Variants in PTPN18 observed in about 807,000 individuals in gnomAD.
PTPN18 encodes the protein protein tyrosine phosphatase non-receptor type 18, also known as tyrosine-protein phosphatase non-receptor type 18.
Under a neutral mutation model 65.4 loss-of-function variants are expected in PTPN18, and 65 were observed. The ratio of observed to expected loss-of-function variants is 0.99; its 90% CI spans 0.81 to 1.22. The LOEUF (loss-of-function observed/expected upper bound fraction) is 1.22. Ranked by LOEUF, PTPN18 falls within the 50% of genes most tolerant of loss-of-function variation. PTPN18 has a pLI of 0.00. For synonymous variants in PTPN18, 255 were observed against 267.8 expected (o/e 0.95, Z 0.47); for missense variants, 616 against 646.5 (o/e 0.95, Z 0.51).
rs1214739114 is a variant in PTPN18, at chr2:130,370,770, C to T, written c.822C>T (p.Ala274=). 28 of 1,613,976 alleles carry T rather than the reference C, an allele frequency of 1.7e-5. No homozygotes were observed. The highest frequency in any genetic ancestry group is 4.5e-5 in the East Asian group (2 of 44,882). Reference sequence around the variant, plus strand: ...AGATGAGGAAGCAGCGGCCTGCGGCCGTGCAGACAGAGGTGAACCCTGGGT... The same window carrying T: ...AGATGAGGAAGCAGCGGCCTGCGGCTGTGCAGACAGAGGTGAACCCTGGGT... ...VLKMRKQRPA[A]VQTEEQYRFL... is the part of the protein sequence containing the mutation. Residue 274 remains alanine, a synonymous_variant, in exon 10 of 15, where the codon GCC becomes GCT. Transcript: ENST00000175756.
chr2:130,365,069 T>C (rs1393964911), intron 5 of PTPN18, among the ~76,000 whole-genome samples: 1 of 152,214 alleles, frequency 6.6e-6, no homozygotes, highest in African/African-American at 2.4e-5. Flanking sequence ...TAGAGTATAC[T>C]TACACAAACA....
chr2:130,371,819 AAAC>A (rs1269892553), intron 12 of PTPN18, among the ~76,000 whole-genome samples: 7 of 151,630 alleles, frequency 4.6e-5, no homozygotes, highest in African/African-American at 1.5e-4. Context: ...TGTCTCAAAA[AAAC>A]AACAAAAAAA....
rs1285506736 is a variant in PTPN18, at chr2:130,360,797, A to G, written c.414+1151A>G. 6.0e-5 allele frequency among the ~76,000 whole-genome samples: 9 copies of G among 150,540 alleles called. No individual in the cohort carries two copies. The East Asian group carries it at 1.7e-3, about 29-fold the overall frequency. Reference sequence around the variant, plus strand: ...CAAAGAACCTGCTTTGGTTGTATTCATTTGTATTCATTTTCTCTATTGATT... The same window carrying G: ...CAAAGAACCTGCTTTGGTTGTATTCGTTTGTATTCATTTTCTCTATTGATT... On this transcript the variant is annotated intron_variant, in intron 5 of 14. Transcript: ENST00000175756.
chr2:130,371,982 T>G, intron 12 of PTPN18: 1 of 426,030 alleles, frequency 2.3e-6, no homozygotes, highest in Non-Finnish European at 4.2e-6. Flanking sequence ...CCGCATTCTT[T>G]TGTTCAGTAG....
intron 5 of PTPN18, 59 bp downstream of exon 5, chr2:130,359,705 G>A (rs1680135315): frequency 6.3e-7 from 1 of 1,578,308 alleles, no homozygotes; most frequent in Admixed American, 1.7e-5. Flanking sequence ...GAGGGATCTT[G>A]CTAGCTCCTC....
chr2:130,365,716 C>G (rs1680361192), intron 5 of PTPN18, among the ~76,000 whole-genome samples: 1 of 152,176 alleles, frequency 6.6e-6, no homozygotes, highest in South Asian at 2.1e-4. Context: ...ACAGTTAGGT[C>G]TCAGATTTAC....
Position 130,373,128 on chromosome 2 carries a change from T to G in PTPN18, c.1316-29T>G, listed in dbSNP as rs1680634894. 4 of 1,557,934 alleles carry G rather than the reference T, an allele frequency of 2.6e-6. No individual in the cohort carries two copies. Among genetic ancestry groups the G allele is most frequent in the Non-Finnish European group, 3.5e-6 (4 of 1,150,002 alleles). ...GCTTCCACACACCTCAGCTTCTCCA[T>G]GAGACCCACGGCACCCTTCTTCTCC... On this transcript the variant is annotated intron_variant, in intron 14 of 14. Transcript: ENST00000175756. This position sits in a 1 kb window ranked among gnomAD's most constrained non-coding sequence, Gnocchi z 4.1.
chr2:130,356,159 C>T lies in PTPN18; in HGVS notation c.52C>T (p.Arg18Trp), dbSNP rs893292469. 4.6e-6 allele frequency: 6 copies of T among 1,312,368 alleles called. No individual in the cohort carries two copies. The African/African-American group carries it at 7.7e-5, about 17-fold the overall frequency. The allele number at this position is 1,312,368 out of a possible 1,614,324, so 81.3% of individuals were successfully genotyped here. Reference sequence around the variant, plus strand: ...GAGCTTCCTGGAGCGGCTGGAAGCGCGGGGCGGCCGGGAGGGGGCAGTCCT... The same window carrying T: ...GAGCTTCCTGGAGCGGCTGGAAGCGTGGGGCGGCCGGGAGGGGGCAGTCCT... ...ARSFLERLEA[R>W]GGREGAVLAG... Residue 18 changes from arginine to tryptophan, a missense_variant, in exon 1 of 15, where the codon CGG becomes TGG. Physicochemically the swap from Arg to Trp is moderately radical, Grantham distance 101. Around this residue, in one of 3 missense-constraint regions of PTPN18, gnomAD observed 223 missense variants for 210.0 expected, o/e 1.06. Transcript: ENST00000175756.
chr2:130,369,494 T>A (rs1680483887), intron 6 of PTPN18, among the ~76,000 whole-genome samples: 1 of 152,222 alleles, frequency 6.6e-6, no homozygotes, highest in Non-Finnish European at 1.5e-5. Context: ...AGTTAGTACT[T>A]AATAAATGCA....
At chr2:130,372,639 G>T in intron 13 of PTPN18, 156 bp downstream of exon 13, 1 of 1,083,920 alleles carries the variant, frequency 9.2e-7, no homozygotes, top group East Asian at 2.6e-5. Flanking sequence ...CCCTGGCCAC[G>T]CCCCGGAAGC....
chr2:130,372,533 A>T (rs1286190430), intron 13 of PTPN18, 50 bp downstream of exon 13: 2 of 1,399,572 alleles, frequency 1.4e-6, no homozygotes, highest in Admixed American at 6.4e-5. Flanking sequence ...TGTGATCCGC[A>T]GGGCGGAACC....
At chr2:130,372,649 C>A in intron 13 of PTPN18, 166 bp downstream of exon 13, 1 of 1,038,598 alleles carries the variant, frequency 9.6e-7, no homozygotes, top group Non-Finnish European at 1.3e-6. Context: ...GCCCCGGAAG[C>A]GCCCCCTGGC....
At chr2:130,369,429 T>C (rs976239924) in intron 6 of PTPN18, among the ~76,000 whole-genome samples, 1 of 152,244 alleles carries the variant, frequency 6.6e-6, no homozygotes, top group African/African-American at 2.4e-5. Context: ...GTTGAAATTC[T>C]TACTTCTCTT....
At chr2:130,367,661 CAAGG>C in intron 5 of PTPN18, among the ~76,000 whole-genome samples, 1 of 152,060 alleles carries the variant, frequency 6.6e-6, no homozygotes, top group African/African-American at 2.4e-5. Context: ...GGTGACAGAG[CAAGG>C]GTCTCAAAAA....
chr2:130,356,191 C>T lies in PTPN18; in HGVS notation c.84C>T (p.Gly28=). ...RGGREGAVLA[G]EFSDIQACSA... ...GCCGGGAGGGGGCAGTCCTCGCCGG[C>T]GAGTTCAGCGTGAGTGGCACACGGG... Residue 28 remains glycine (G), a synonymous_variant, in exon 1 of 15, where the codon GGC becomes GGT. Coordinates refer to ENST00000175756, the MANE Select transcript of PTPN18 (RefSeq NM_014369.4). The T allele has an allele frequency of 7.6e-6, 10 of 1,314,790 alleles. No individual in the cohort carries two copies. Among genetic ancestry groups the T allele is most frequent in the South Asian group, 2.1e-5 (1 of 47,536 alleles). 81.4% of individuals were successfully genotyped at this position (1,314,790 alleles called of 1,614,324 possible). A position where few individuals can be genotyped will look rare whatever the true frequency, so the allele number is the denominator to read the frequency against.
chr2:130,358,541 C>T (rs1680067724), intron 1 of PTPN18, among the ~76,000 whole-genome samples: 1 of 152,116 alleles, frequency 6.6e-6, no homozygotes, highest in South Asian at 2.1e-4. Context: ...CGTGTGACTT[C>T]CTGGTTGGGA....
At chr2:130,362,835 T>G (rs1680261840) in intron 5 of PTPN18, among the ~76,000 whole-genome samples, 1 of 152,118 alleles carries the variant, frequency 6.6e-6, no homozygotes, top group Non-Finnish European at 1.5e-5. Flanking sequence ...TGTTTTTGTT[T>G]TTGAGACGGA....
At chr2:130,364,175 A>G (rs1680313625) in intron 5 of PTPN18, among the ~76,000 whole-genome samples, 1 of 152,170 alleles carries the variant, frequency 6.6e-6, no homozygotes, top group Non-Finnish European at 1.5e-5. Flanking sequence ...TTTTCAGAAC[A>G]TGTTCATCAT....
At chr2:130,356,459 T>G in intron 1 of PTPN18, 1 of 512,168 alleles carries the variant, frequency 2.0e-6, no homozygotes, top group African/African-American at 2.0e-5. Flanking sequence ...GTTCCCGGTG[T>G]CCTCGTCGCG....
Sources: allele counts gnomAD v4.1 joint callset (sites outside exome capture counted in the v4.1 genomes callset), GRCh38; gene constraint gnomAD v4.1.1; regional missense constraint gnomAD v4.1.1; non-coding constraint Gnocchi (gnomAD v3.1); transcripts MANE v1.5; gene names NCBI Gene and HGNC (gene_info 2026-07-23, HGNC 2026-07-21).